Variants in WDR76 observed in about 807,000 individuals in gnomAD.
WDR76 encodes WD repeat-containing protein 76.
A neutral mutation model predicts 70.2 loss-of-function variants in WDR76; 52 were observed. The ratio of observed to expected loss-of-function variants is 0.74; its 90% CI spans 0.59 to 0.93. WDR76 has a LOEUF of 0.93. WDR76 is among the 40% of genes least tolerant of loss of function. The pLI is 0.00. For synonymous variants in WDR76, 292 were observed against 271.1 expected, an observed-to-expected ratio of 1.08 and a Z score of -0.76; for missense variants, 756 against 760.2, an observed-to-expected ratio of 0.99 and a Z score of 0.07.
chr15:43,829,667 C>T (rs938336439), intron 2 of WDR76, among the ~76,000 whole-genome samples: 36 of 151,882 alleles, frequency 2.4e-4, no homozygotes, highest in African/African-American at 7.5e-4. Context: ...CCACCATGCC[C>T]GGCTAATTTT....
chr15:43,861,476 A>T, intron 12 of WDR76, 90 bp downstream of exon 12: 1 of 1,235,256 alleles, frequency 8.1e-7, no homozygotes, highest in Non-Finnish European at 1.2e-6. Context: ...TGTCAAAGAG[A>T]TGTAATAGTC....
At chr15:43,856,825 T>A (rs947941521) in intron 9 of WDR76, 121 bp from the exon 10 acceptor site, 1 of 797,774 alleles carries the variant, frequency 1.3e-6, no homozygotes, top group Non-Finnish European at 2.0e-6. Context: ...ATGGGGATGA[T>A]GAGAGGATAA....
chr15:43,857,262 G>C (rs1467911358), intron 10 of WDR76, 99 bp downstream of exon 10: 1 of 1,232,098 alleles, frequency 8.1e-7, no homozygotes, highest in Non-Finnish European at 1.1e-6. Context: ...TATTACAAAA[G>C]GTATTACTTT....
chr15:43,863,241 T>C (rs191334777), intron 12 of WDR76, among the ~76,000 whole-genome samples: 1 of 152,322 alleles, frequency 6.6e-6, no homozygotes, highest in East Asian at 1.9e-4. Flanking sequence ...TCCAGTCTTA[T>C]TTTTTAATTG....
At chr15:43,833,931 G>C (rs955243165) in intron 2 of WDR76, among the ~76,000 whole-genome samples, 1 of 152,104 alleles carries the variant, frequency 6.6e-6, no homozygotes, top group African/African-American at 2.4e-5. Flanking sequence ...CACCACACCC[G>C]GCCTGCCATT....
rs551515017 is a variant in WDR76 at position 43,847,569 on chromosome 15, C to T, written c.1032+3515C>T. Reference sequence around the variant, plus strand: ...CCAAGTGGCTGGGATTACAGGCGTCCGCTACCACACCTGGCTAATTTTTTT... The same window carrying T: ...CCAAGTGGCTGGGATTACAGGCGTCTGCTACCACACCTGGCTAATTTTTTT... On this transcript the variant is annotated intron_variant, in intron 8 of 12. Coordinates refer to ENST00000263795, the MANE Select transcript of WDR76 (RefSeq NM_024908.4). Among the ~76,000 whole-genome samples the T allele has an allele frequency of 4.3e-3, 660 of 152,186 alleles. 6 individuals carry two copies. Among genetic ancestry groups the T allele is most frequent in the African/African-American group, 0.014 (594 of 41,518 alleles).
intron 9 of WDR76, among the ~76,000 whole-genome samples, chr15:43,852,854 C>A (rs2087879245): frequency 6.6e-6 from 1 of 152,122 alleles, no homozygotes; most frequent in African/African-American, 2.4e-5. Flanking sequence ...TTCATCTGTT[C>A]ATCAGTTGAT....
intron 5 of WDR76, 52 bp downstream of exon 5, chr15:43,839,780 TTGAAG>T (rs762131234): frequency 6.6e-7 from 1 of 1,518,470 alleles, no homozygotes; most frequent in South Asian, 1.3e-5. Flanking sequence ...ACTGAAAAAT[TTGAAG>T]TGTTGAAACT....
At chr15:43,831,502 G>A (rs548948904) in intron 2 of WDR76, among the ~76,000 whole-genome samples, 1 of 151,390 alleles carries the variant, frequency 6.6e-6, no homozygotes, top group African/African-American at 2.4e-5. Context: ...GCAGAGGCAC[G>A]ATCTCAGCTC....
intron 8 of WDR76, among the ~76,000 whole-genome samples, chr15:43,848,279 A>T (rs563253666): frequency 1.3e-5 from 2 of 152,338 alleles, no homozygotes; most frequent in East Asian, 3.9e-4. Context: ...ATAAGAAAGA[A>T]GCAGAACCTA....
At chr15:43,831,897 G>A (rs528973954) in intron 2 of WDR76, among the ~76,000 whole-genome samples, 11 of 151,204 alleles carry the variant, frequency 7.3e-5, no homozygotes, top group Admixed American at 2.0e-4. Context: ...GTAGTGGTGC[G>A]ATCTCAGCTT....
intron 2 of WDR76, among the ~76,000 whole-genome samples, chr15:43,831,220 G>T (rs1177929947): frequency 2.0e-5 from 3 of 152,074 alleles, no homozygotes; most frequent in Non-Finnish European, 4.4e-5. Flanking sequence ...GACAGAGCAA[G>T]ACTCTTGTTT....
At chr15:43,843,403 TAGA>T (rs2087750268) in intron 7 of WDR76, among the ~76,000 whole-genome samples, 1 of 152,166 alleles carries the variant, frequency 6.6e-6, no homozygotes, top group Non-Finnish European at 1.5e-5. Context: ...TTCCATTGAG[TAGA>T]AGGAGTTCAC....
At chr15:43,850,731 G>A (rs767960303) in intron 8 of WDR76, among the ~76,000 whole-genome samples, 13 of 152,146 alleles carry the variant, frequency 8.5e-5, no homozygotes, top group Admixed American at 2.0e-4. Flanking sequence ...GAAGCAAAGT[G>A]GTAAGGTACT....
In WDR76 at chr15:43,857,595, A is replaced by G. The variant is rs150440057; in HGVS notation, c.1409+432A>G. The G allele has an allele frequency of 2.2e-3, 1,970 of 899,444 alleles. 26 individuals are homozygous for G. The African/African-American group carries it at 0.033, about 15-fold the overall frequency. The allele number at this position is 899,444 out of a possible 1,614,324, so 55.7% of individuals were successfully genotyped here. Reference sequence around the variant, plus strand: ...AGCCCTTTGGGAGGCTGAGGCAGGCAGATCACTTGAGGTCAGGAGTTCGAG... The same window carrying G: ...AGCCCTTTGGGAGGCTGAGGCAGGCGGATCACTTGAGGTCAGGAGTTCGAG... On this transcript the variant is annotated intron_variant, in intron 10 of 12. Transcript: ENST00000263795.
chr15:43,844,555 G>A (rs1333387186), intron 8 of WDR76, among the ~76,000 whole-genome samples: 1 of 150,628 alleles, frequency 6.6e-6, no homozygotes, highest in Admixed American at 6.6e-5. Context: ...AGGAGACGGA[G>A]GTTGGAGTGA....
intron 8 of WDR76, among the ~76,000 whole-genome samples, chr15:43,844,637 C>T (rs1158003952): frequency 1.3e-5 from 2 of 150,062 alleles, no homozygotes; most frequent in East Asian, 2.0e-4. Flanking sequence ...GGGCTGGGAG[C>T]GGTGGCTCAC....
intron 11 of WDR76, among the ~76,000 whole-genome samples, chr15:43,860,008 CG>C (rs1232388921): frequency 6.6e-6 from 1 of 152,094 alleles, no homozygotes; most frequent in African/African-American, 2.4e-5. Context: ...CCCAGCATTT[CG>C]GGAGGCTGAG....
intron 8 of WDR76, 104 bp from the exon 9 acceptor site, chr15:43,850,983 G>T: frequency 7.2e-7 from 1 of 1,388,252 alleles, no homozygotes. Context: ...AGAAAAGACT[G>T]AATATAATCC....
Sources: allele counts gnomAD v4.1 joint callset (sites outside exome capture counted in the v4.1 genomes callset), GRCh38; gene constraint gnomAD v4.1.1; transcripts MANE v1.5; gene names NCBI Gene and HGNC (gene_info 2026-07-23, HGNC 2026-07-21).